Variants in FHIT observed in about 807,000 individuals in gnomAD.
FHIT encodes the protein bis(5'-adenosyl)-triphosphatase.
A neutral mutation model predicts 17.9 loss-of-function variants in FHIT; 19 were observed. The ratio of observed to expected loss-of-function variants is 1.06; its 90% CI spans 0.74 to 1.56. FHIT has a LOEUF of 1.56. Among genes scored for constraint, FHIT ranks in the 40% most tolerant of loss-of-function variants. The pLI is 0.00. For missense variants in FHIT, 248 were observed against 189.2 expected, an observed-to-expected ratio of 1.31 and a Z score of -1.82; for synonymous variants, 81 against 69.7, an observed-to-expected ratio of 1.16 and a Z score of -0.81.
At position 60,884,155 on chromosome 3, in the gene FHIT, A is replaced by T. The variant is rs1291742009; in HGVS notation, c.-110-62144T>A. On this transcript the variant is annotated intron_variant, in intron 3 of 9. Coordinates refer to ENST00000492590, the MANE Select transcript of FHIT (RefSeq NM_002012.4). ...CCTCAGGGAAATGCAAATCACAACC[A>T]CAGTGAGATACCATCTCACCACAGT... Among the ~76,000 whole-genome samples the T allele has an allele frequency of 2.0e-5, 3 of 152,192 alleles. No individual in the cohort carries two copies. The East Asian group carries it at 5.8e-4, about 29-fold the overall frequency.
intron 3 of FHIT, among the ~76,000 whole-genome samples, chr3:60,981,784 TA>T (rs59898884): frequency 0.9 from 135,899 of 150,574 alleles, 61,358 homozygotes; most frequent in East Asian, 1. Flanking sequence ...ATTTTTTTTT[TA>T]AGAGATGGGG....
chr3:60,401,132 A>T (rs2611417), intron 5 of FHIT, among the ~76,000 whole-genome samples: 146,257 of 152,196 alleles, frequency 0.96, 70,540 homozygotes, highest in East Asian at 1. Context: ...TAAAGACATT[A>T]TCTATGCATT....
Position 60,397,940 on chromosome 3 carries a change from C to T in FHIT, c.103+138920G>A, listed in dbSNP as rs187568794. 1.4e-4 allele frequency among the ~76,000 whole-genome samples: 21 copies of T among 152,234 alleles called. No individual in the cohort carries two copies. In the East Asian group the frequency reaches 3.3e-3, roughly 24 times the overall value. Reference sequence around the variant, plus strand: ...CTCACAGACCAATCAGCACACACTCCCTTTACTGAGCCCATAAAAGCCACA... The same window carrying T: ...CTCACAGACCAATCAGCACACACTCTCTTTACTGAGCCCATAAAAGCCACA... On this transcript the variant is annotated intron_variant, in intron 5 of 9. Coordinates refer to ENST00000492590, the MANE Select transcript of FHIT (RefSeq NM_002012.4).
At chr3:60,136,160 T>C (rs2107283253) in intron 5 of FHIT, among the ~76,000 whole-genome samples, 1 of 152,186 alleles carries the variant, frequency 6.6e-6, no homozygotes, top group Admixed American at 6.5e-5. Flanking sequence ...CAAATATGAC[T>C]CTTGCTGCTA....
Position 60,640,296 on chromosome 3 carries a change from C to CT in FHIT, c.-17-103318dup, listed in dbSNP as rs146786965. Among the ~76,000 whole-genome samples the CT allele has an allele frequency of 7.9e-4, 120 of 151,374 alleles. 1 individual carries two copies. The East Asian group carries it at 0.017, about 21-fold the overall frequency. ...TATATACACACTATACCCCAATAAGCTTTTTTTTTCCTAAAAGACAGTTGA... is the reference window on the plus strand; with the variant it reads ...TATATACACACTATACCCCAATAAGCTTTTTTTTTTCCTAAAAGACAGTTGA... On this transcript the variant is annotated intron_variant, in intron 4 of 9. Coordinates refer to ENST00000492590, the MANE Select transcript of FHIT (RefSeq NM_002012.4).
intron 2 of FHIT, among the ~76,000 whole-genome samples, chr3:61,182,747 G>C (rs970763626): frequency 2.0e-5 from 3 of 152,112 alleles, no homozygotes; most frequent in Non-Finnish European, 4.4e-5. Flanking sequence ...TTCAGGATAG[G>C]GGGTATGGGG....
chr3:60,828,668 A>C (rs1165323845), intron 3 of FHIT, among the ~76,000 whole-genome samples: 1 of 152,022 alleles, frequency 6.6e-6, no homozygotes, highest in Non-Finnish European at 1.5e-5. Flanking sequence ...ACCTGAGGTC[A>C]GGAGTTTGAG....
At chr3:60,543,090 C>T (rs1023977594) in intron 4 of FHIT, among the ~76,000 whole-genome samples, 3 of 152,132 alleles carry the variant, frequency 2.0e-5, no homozygotes, top group African/African-American at 4.8e-5. Context: ...AAAGGTCGCA[C>T]ATTTTTGCAC....
At chr3:60,640,347 A>G (rs1424337444) in intron 4 of FHIT, among the ~76,000 whole-genome samples, 1 of 152,156 alleles carries the variant, frequency 6.6e-6, no homozygotes, top group Non-Finnish European at 1.5e-5. Context: ...GATCAAAAAG[A>G]TAAGTTGCTG....
chr3:60,143,902 A>G (rs1700133127), intron 5 of FHIT, among the ~76,000 whole-genome samples: 1 of 152,168 alleles, frequency 6.6e-6, no homozygotes, highest in Non-Finnish European at 1.5e-5. Context: ...GCCATACAGC[A>G]TAAGCAAAAT....
chr3:60,381,840 C>A (rs180851113), intron 5 of FHIT, among the ~76,000 whole-genome samples: 7 of 151,778 alleles, frequency 4.6e-5, no homozygotes, highest in African/African-American at 7.3e-5. Context: ...CTGGGTATGG[C>A]GTGTTCAGAA....
intron 5 of FHIT, among the ~76,000 whole-genome samples, chr3:60,033,267 G>C (rs532766639): frequency 1.3e-5 from 2 of 152,072 alleles, no homozygotes; most frequent in Non-Finnish European, 2.9e-5. Context: ...AGGCTGAGGC[G>C]GGGGGATCAC....
At chr3:60,304,334 C>G (rs741896) in intron 5 of FHIT, among the ~76,000 whole-genome samples, 67,570 of 151,716 alleles carry the variant, frequency 0.45, 16,416 homozygotes, top group East Asian at 0.84. Flanking sequence ...TAGCAGATCT[C>G]TACCAGGAGA....
intron 3 of FHIT, among the ~76,000 whole-genome samples, chr3:60,976,192 T>C (rs765324506): frequency 2.9e-5 from 4 of 135,948 alleles, no homozygotes; most frequent in Admixed American, 8.0e-5. Context: ...CTGCAACCTC[T>C]ACCTCCTGGG....
intron 4 of FHIT, among the ~76,000 whole-genome samples, chr3:60,793,739 C>T (rs1298713841): frequency 6.6e-6 from 1 of 152,176 alleles, no homozygotes; most frequent in Non-Finnish European, 1.5e-5. Flanking sequence ...GTTTTCCCAC[C>T]AGAGGCAAGG....
intron 8 of FHIT, among the ~76,000 whole-genome samples, chr3:59,759,062 G>A (rs1401219534): frequency 2.0e-5 from 3 of 152,048 alleles, no homozygotes; most frequent in Non-Finnish European, 4.4e-5. Flanking sequence ...CACTGAAGAT[G>A]TAGCATATAA....
chr3:60,030,259 G>A (rs1700946010), intron 5 of FHIT, among the ~76,000 whole-genome samples: 1 of 152,094 alleles, frequency 6.6e-6, no homozygotes, highest in African/African-American at 2.4e-5. Flanking sequence ...TGCGCAACAA[G>A]CAAAATTCCT....
intron 5 of FHIT, among the ~76,000 whole-genome samples, chr3:60,521,013 T>G (rs1380535649): frequency 6.6e-6 from 1 of 152,192 alleles, no homozygotes; most frequent in Non-Finnish European, 1.5e-5. Flanking sequence ...ATTTTTTGGT[T>G]TATTTTAAAT....
At chr3:60,830,727 A>C (rs1553742292) in intron 3 of FHIT, among the ~76,000 whole-genome samples, 1 of 152,206 alleles carries the variant, frequency 6.6e-6, no homozygotes, top group Non-Finnish European at 1.5e-5. Flanking sequence ...CGGGAATCGG[A>C]GAAATCAATT....
Sources: gnomAD v4.1 joint callset for allele counts (sites outside exome capture counted in the v4.1 genomes callset) on GRCh38, gnomAD v4.1.1 for gene constraint, MANE v1.5 for transcripts, NCBI Gene and HGNC (gene_info 2026-07-23, HGNC 2026-07-21) for gene names.